Variants in MCHR1 observed in about 807,000 individuals in gnomAD.
MCHR1 encodes melanin-concentrating hormone receptor 1.
A neutral mutation model predicts 20.4 loss-of-function variants in MCHR1; 13 were observed. The ratio of observed to expected loss-of-function variants is 0.64; its 90% confidence interval spans 0.41 to 1.01. MCHR1 has a LOEUF of 1.01. Among genes scored for constraint, MCHR1 ranks in the 50% least tolerant of loss-of-function variants. MCHR1 has a pLI of 0.00. For missense variants in MCHR1, 472 were observed against 477.0 expected, an observed-to-expected ratio of 0.99 and a Z score of 0.10; for synonymous variants, 215 against 204.4, an observed-to-expected ratio of 1.05 and a Z score of -0.44.
chr22:40,681,604 C>T lies in MCHR1; in HGVS notation c.738C>T (p.Ser246=). The T allele has an allele frequency of 6.2e-7, 1 of 1,614,168 alleles. No homozygotes were observed. Among genetic ancestry groups the T allele is most frequent in the South Asian group, 1.1e-5 (1 of 91,088 alleles). The part of the protein sequence containing the change: ...TSSVAPASQR[S]IRLRTKRVTR... The stretch of plus-strand genomic sequence containing the variant: ...CAGTGGCCCCCGCCTCCCAGCGCAG[C>T]ATCCGGCTGCGGACAAAGAGGGTGA... Residue 246 remains serine, a synonymous_variant, in exon 2 of 2, where the codon AGC becomes AGT. Transcript: ENST00000249016. This position sits in a 1 kb window ranked among gnomAD's most constrained non-coding sequence, Gnocchi z 4.3.
Position 40,679,679 on chromosome 22 carries a change from C to T in MCHR1, c.27C>T (p.Pro9=). 1 of 1,614,044 alleles carries T rather than the reference C, an allele frequency of 6.2e-7. No homozygotes were observed. Among genetic ancestry groups the T allele is most frequent in the Non-Finnish European group, 8.5e-7 (1 of 1,179,970 alleles). Residue 9 remains proline, a synonymous_variant, in exon 1 of 2, where the codon CCC becomes CCT. Coordinates refer to ENST00000249016, the MANE Select transcript of MCHR1 (RefSeq NM_005297.4). ...TGGACCTGGAAGCCTCGCTGCTGCC[C>T]ACTGGTCCCAACGCCAGCAACACCT... MDLEASLL[P]TGPNASNTSD...
In MCHR1 at chr22:40,681,028, C is replaced by T; in HGVS notation, c.162C>T (p.Gly54=). ...TGTTCGGCACCATCTGCCTCCTGGG[C>T]ATCATCGGGAACTCCACGGTCATCT... is the stretch of plus-strand genomic sequence containing the variant. ...PSVFGTICLL[G]IIGNSTVIFA... Residue 54 remains glycine, a synonymous_variant, in exon 2 of 2, where the codon GGC becomes GGT. Coordinates refer to ENST00000249016, the MANE Select transcript of MCHR1 (RefSeq NM_005297.4). The surrounding 1 kb of genome is among the most constrained non-coding windows in gnomAD (Gnocchi z 4.3). The T allele has an allele frequency of 1.2e-6, 2 of 1,614,148 alleles. No individual in the cohort carries two copies. The highest frequency in any genetic ancestry group is 1.7e-6 in the Non-Finnish European group (2 of 1,180,028).
intron 1 of MCHR1, chr22:40,680,143 C>T (rs1307378004): frequency 6.7e-6 from 2 of 300,480 alleles, no homozygotes; most frequent in Non-Finnish European, 1.3e-5. Flanking sequence ...AGGTCTGAGA[C>T]ATCCTTACTG....
rs543489492 is a variant in MCHR1 at position 40,679,745 on chromosome 22, T to G, written c.82+11T>G. On this transcript the variant is annotated intron_variant, in intron 1 of 1. Coordinates refer to ENST00000249016, the MANE Select transcript of MCHR1 (RefSeq NM_005297.4). Reference sequence around the variant, plus strand: ...ACCTCACTTCGGCAGGTGAGTTGACTGGGAGCCCTCCCTCCTCTGGGCTGT... The same window carrying G: ...ACCTCACTTCGGCAGGTGAGTTGACGGGGAGCCCTCCCTCCTCTGGGCTGT... The G allele has an allele frequency of 1.9e-6, 3 of 1,614,008 alleles. No individual in the cohort carries two copies. In the South Asian group the frequency reaches 3.3e-5, roughly 18 times the overall value.
chr22:40,682,146 G>C lies in MCHR1; in HGVS notation c.*218G>C. On this transcript the variant is annotated 3_prime_UTR_variant, in exon 2 of 2. Transcript: ENST00000249016. Reference sequence around the variant, plus strand: ...TCAGATATCAGAAATCCCCTTGGGGGAGCAGGATGAGACCTTTGGATAGAA... The same window carrying C: ...TCAGATATCAGAAATCCCCTTGGGGCAGCAGGATGAGACCTTTGGATAGAA... 1.6e-6 allele frequency: 1 copy of C among 613,016 alleles called. No homozygotes were observed. The highest frequency in any genetic ancestry group is 2.8e-5 in the East Asian group (1 of 35,464). The allele number at this position is 613,016 out of a possible 1,614,324, so 38.0% of individuals were successfully genotyped here.
rs1311391275 is a variant in MCHR1 at position 40,681,037 on chromosome 22, G to T, written c.171G>T (p.Gly57=). The T allele has an allele frequency of 6.2e-7, 1 of 1,614,056 alleles. No homozygotes were observed. Among genetic ancestry groups the T allele is most frequent in the South Asian group, 1.1e-5 (1 of 91,074 alleles). Residue 57 remains glycine (G), a synonymous_variant, in exon 2 of 2, where the codon GGG becomes GGT. Coordinates refer to ENST00000249016, the MANE Select transcript of MCHR1 (RefSeq NM_005297.4). This position sits in a 1 kb window ranked among gnomAD's most constrained non-coding sequence, Gnocchi z 4.3. ...FGTICLLGII[G]NSTVIFAVVK... ...CCATCTGCCTCCTGGGCATCATCGG[G>T]AACTCCACGGTCATCTTCGCGGTCG...
At position 40,681,725 on chromosome 22, in the gene MCHR1, C is replaced by G; in HGVS notation, c.859C>G (p.Leu287Val). The G allele has an allele frequency of 1.9e-6, 3 of 1,614,278 alleles. No individual in the cohort carries two copies. Among genetic ancestry groups the G allele is most frequent in the Non-Finnish European group, 2.5e-6 (3 of 1,180,056 alleles). Reference sequence around the variant, plus strand: ...CCAGTTGTCCATCAGCCGCCCGACCCTCACCTTTGTCTACTTATACAATGC... The same window carrying G: ...CCAGTTGTCCATCAGCCGCCCGACCGTCACCTTTGTCTACTTATACAATGC... Reference protein sequence around the residue: ...LTQLSISRPTLTFVYLYNAAI... With the variant: ...LTQLSISRPTVTFVYLYNAAI... Residue 287 changes from leucine (L) to valine (V), a missense_variant, in exon 2 of 2, where the codon CTC becomes GTC. Physicochemically the swap from Leu to Val is conservative, Grantham distance 32. Coordinates refer to ENST00000249016, the MANE Select transcript of MCHR1 (RefSeq NM_005297.4). The surrounding 1 kb of genome is among the most constrained non-coding windows in gnomAD (Gnocchi z 4.3).
At position 40,682,069 on chromosome 22, in the gene MCHR1, T is replaced by C; in HGVS notation, c.*141T>C. 9.1e-7 allele frequency: 1 copy of C among 1,099,930 alleles called. No homozygotes were observed. 68.1% of individuals were successfully genotyped at this position (1,099,930 alleles called of 1,614,324 possible). A position where few individuals can be genotyped will look rare whatever the true frequency, so the allele number is the denominator to read the frequency against. On this transcript the variant is annotated 3_prime_UTR_variant, in exon 2 of 2. Transcript: ENST00000249016. ...GGGTTGTTGCAATGAAATAAATACA[T>C]TCCATGGGGCTCACACGTTGCTGGG...
At position 40,679,746 on chromosome 22, in the gene MCHR1, G is replaced by C; in HGVS notation, c.82+12G>C. 1 of 1,614,078 alleles carries C rather than the reference G, an allele frequency of 6.2e-7. No homozygotes were observed. Among genetic ancestry groups the C allele is most frequent in the Non-Finnish European group, 8.5e-7 (1 of 1,179,970 alleles). On this transcript the variant is annotated intron_variant, in intron 1 of 1. Transcript: ENST00000249016. The stretch of plus-strand genomic sequence containing the variant: ...CCTCACTTCGGCAGGTGAGTTGACT[G>C]GGAGCCCTCCCTCCTCTGGGCTGTG...
rs36115367 is a variant in MCHR1, at chr22:40,681,730, C to T, written c.864C>T (p.Thr288=). Residue 288 remains threonine, a synonymous_variant, in exon 2 of 2, where the codon ACC becomes ACT. Transcript: ENST00000249016. The surrounding 1 kb of genome is among the most constrained non-coding windows in gnomAD (Gnocchi z 4.3). The part of the protein sequence containing the change: ...TQLSISRPTL[T]FVYLYNAAIS... Reference sequence around the variant, plus strand: ...TGTCCATCAGCCGCCCGACCCTCACCTTTGTCTACTTATACAATGCGGCCA... The same window carrying T: ...TGTCCATCAGCCGCCCGACCCTCACTTTTGTCTACTTATACAATGCGGCCA... 355 of 1,614,260 alleles carry T rather than the reference C, an allele frequency of 2.2e-4. No homozygotes were observed. In the African/African-American group the frequency reaches 4.3e-3, roughly 20 times the overall value.
chr22:40,680,587 CACACAT>C (rs929034197), intron 1 of MCHR1, among the ~76,000 whole-genome samples: 13 of 115,944 alleles, frequency 1.1e-4, no homozygotes, highest in East Asian at 2.9e-3. Flanking sequence ...CACACACACA[CACACAT>C]ACACAGACAC....
chr22:40,680,239 T>C (rs537169185), intron 1 of MCHR1: 2 of 194,346 alleles, frequency 1.0e-5, no homozygotes, highest in East Asian at 1.3e-4. Flanking sequence ...TCCTGACATT[T>C]CCAGAGCTGC....
At chr22:40,679,910 C>T (rs1182986144) in intron 1 of MCHR1, among the ~76,000 whole-genome samples, 176 bp downstream of exon 1, 1 of 151,840 alleles carries the variant, frequency 6.6e-6, no homozygotes, top group Non-Finnish European at 1.5e-5. Flanking sequence ...GGCAGACGGG[C>T]AGGAGCAGAG....
Position 40,681,674 on chromosome 22 carries a change from G to A in MCHR1, c.808G>A (p.Ala270Thr), listed in dbSNP as rs1299772965. The change falls in exon 2 of 2, where the codon GCA (alanine) becomes ACA (threonine). Residue 270 changes from alanine (A) to threonine (T), a missense_variant. By Grantham distance (58) the Ala-to-Thr change is moderately conservative (BLOSUM62 0). Coordinates refer to ENST00000249016, the MANE Select transcript of MCHR1 (RefSeq NM_005297.4). This position sits in a 1 kb window ranked among gnomAD's most constrained non-coding sequence, Gnocchi z 4.3. ...CTGTCTGGTCTTCTTTGTGTGCTGG[G>A]CACCCTACTATGTGCTACAGCTGAC... ...AICLVFFVCW[A>T]PYYVLQLTQL... 1.2e-6 allele frequency: 2 copies of A among 1,614,250 alleles called. No homozygotes were observed. Among genetic ancestry groups the A allele is most frequent in the East Asian group, 4.5e-5 (2 of 44,892 alleles).
Position 40,679,485 on chromosome 22 carries a change from G to T in MCHR1, c.-168G>T, listed in dbSNP as rs1178358066. 6.2e-7 allele frequency: 1 copy of T among 1,614,244 alleles called. No individual in the cohort carries two copies. Among genetic ancestry groups the T allele is most frequent in the South Asian group, 1.1e-5 (1 of 91,088 alleles). On this transcript the variant is annotated 5_prime_UTR_variant, in exon 1 of 2. Transcript: ENST00000249016. ...CATGAAGAAGGGAGTGGGGAGGGCA[G>T]TTGGGCTTGGAGGCGGCAGCGGCTG...
Position 40,681,161 on chromosome 22 carries a change from A to G in MCHR1, c.295A>G (p.Met99Val), listed in dbSNP as rs200659421. The G allele has an allele frequency of 6.6e-5, 106 of 1,614,108 alleles. No individual in the cohort carries two copies. Among genetic ancestry groups the G allele is most frequent in the Non-Finnish European group, 8.6e-5 (102 of 1,180,026 alleles). Residue 99 changes from methionine to valine, a missense_variant, in exon 2 of 2, where the codon ATG becomes GTG. By Grantham distance (21) the Met-to-Val change is conservative. Transcript: ENST00000249016. The surrounding 1 kb of genome is among the most constrained non-coding windows in gnomAD (Gnocchi z 4.3). The stretch of plus-strand genomic sequence containing the variant: ...CCTCTTTCTCCTGGGCATGCCCTTC[A>G]TGATCCACCAGCTCATGGGCAATGG... ...DLLFLLGMPF[M>V]IHQLMGNGVW...
rs1005422520 is a variant in MCHR1 at position 40,680,850 on chromosome 22, T to A, written c.83-99T>A. 50 of 1,586,342 alleles carry A rather than the reference T, an allele frequency of 3.2e-5. No homozygotes were observed. In the African/African-American group the frequency reaches 5.8e-4, roughly 18 times the overall value. Reference sequence around the variant, plus strand: ...GAGAATGGTGGGAGAGGATTCCAGATGAACGGTGGGTCGCTGGAGGCTGAG... The same window carrying A: ...GAGAATGGTGGGAGAGGATTCCAGAAGAACGGTGGGTCGCTGGAGGCTGAG... On this transcript the variant is annotated intron_variant, in intron 1 of 1. Transcript: ENST00000249016.
Position 40,681,220 on chromosome 22 carries a change from C to T in MCHR1, c.354C>T (p.Leu118=), listed in dbSNP as rs2056878228. 1.9e-6 allele frequency: 3 copies of T among 1,614,152 alleles called. No individual in the cohort carries two copies. Among genetic ancestry groups the T allele is most frequent in the Non-Finnish European group, 1.7e-6 (2 of 1,180,050 alleles). ...VWHFGETMCT[L]ITAMDANSQF... is the part of the protein sequence containing the mutation. ...ACTTTGGGGAGACCATGTGCACCCT[C>T]ATCACGGCCATGGATGCCAATAGTC... is the stretch of plus-strand genomic sequence containing the variant. The change falls in exon 2 of 2, where the codon CTC becomes CTT. Residue 118 remains leucine, a synonymous_variant. Coordinates refer to ENST00000249016, the MANE Select transcript of MCHR1 (RefSeq NM_005297.4). This position sits in a 1 kb window ranked among gnomAD's most constrained non-coding sequence, Gnocchi z 4.3.
intron 1 of MCHR1, chr22:40,680,353 T>G (rs1230472362): frequency 2.1e-5 from 4 of 187,328 alleles, no homozygotes; most frequent in African/African-American, 9.5e-5. Flanking sequence ...AGACAGTTTC[T>G]GTCTCTGCTT....
Sources: gnomAD v4.1 joint callset for allele counts (sites outside exome capture counted in the v4.1 genomes callset) on GRCh38, gnomAD v4.1.1 for gene constraint, Gnocchi (gnomAD v3.1) non-coding constraint, MANE v1.5 for transcripts, NCBI Gene and HGNC (gene_info 2026-07-23, HGNC 2026-07-21) for gene names.